EXOC4: variants seen among roughly 807,000 people sequenced by gnomAD.
EXOC4 encodes exocyst complex component 4, also known as SEC8-like 1.
Under a neutral mutation model 107.2 loss-of-function variants are expected in EXOC4, and 71 were observed. The observed-to-expected ratio is 0.66, with a 90% CI of 0.55 to 0.81. EXOC4 has a LOEUF of 0.81. EXOC4 is among the 30% of genes least tolerant of loss of function. The pLI, the probability that EXOC4 is intolerant of heterozygous loss-of-function variation, is 0.00. For missense variants in EXOC4, 1,108 were observed against 1,189.6 expected (o/e 0.93, Z 1.01); for synonymous variants, 456 against 441.2 (o/e 1.03, Z -0.42).
chr7:133,797,827 T>C (rs1796849001), intron 10 of EXOC4, among the ~76,000 whole-genome samples: 1 of 152,254 alleles, frequency 6.6e-6, no homozygotes. Flanking sequence ...CTAGGCACTT[T>C]CCTAGGTTCT....
intron 17 of EXOC4, among the ~76,000 whole-genome samples, chr7:134,020,983 C>CA (rs34211829): frequency 0.22 from 29,650 of 135,426 alleles, 3,422 homozygotes; most frequent in East Asian, 0.43. Context: ...AAGACTGTCT[C>CA]AAAAAAAAAA....
At chr7:134,004,790 C>G in intron 15 of EXOC4, 122 bp from the exon 16 acceptor site, 1 of 780,814 alleles carries the variant, frequency 1.3e-6, no homozygotes. Flanking sequence ...TGTTGGCTAT[C>G]ATGGCTAGTC....
At chr7:133,904,919 ACTAATTAGGGCAGTC>A (rs1799534118) in intron 12 of EXOC4, among the ~76,000 whole-genome samples, 2 of 152,268 alleles carry the variant, frequency 1.3e-5, no homozygotes, top group South Asian at 4.1e-4. Context: ...CCTGCTGAGG[ACTAATTAGGGCAGTC>A]CTAATTTGGA....
intron 7 of EXOC4, among the ~76,000 whole-genome samples, chr7:133,432,825 T>C (rs1327274726): frequency 6.6e-6 from 1 of 152,202 alleles, no homozygotes; most frequent in Non-Finnish European, 1.5e-5. Flanking sequence ...TAGCAGGCTA[T>C]TTCTATGCAA....
chr7:133,475,665 T>A (rs1421993171), intron 8 of EXOC4, among the ~76,000 whole-genome samples, 192 bp downstream of exon 8: 1 of 152,180 alleles, frequency 6.6e-6, no homozygotes, highest in Non-Finnish European at 1.5e-5. Flanking sequence ...GTACAGTTAC[T>A]GGACTACCTG....
At chr7:134,015,312 G>A (rs187737760) in intron 17 of EXOC4, among the ~76,000 whole-genome samples, 8 of 152,324 alleles carry the variant, frequency 5.3e-5, no homozygotes, top group Admixed American at 4.6e-4. Flanking sequence ...TGAATAGAAT[G>A]TAAGCTCCAT....
At chr7:133,815,372 CAA>C (rs531468167) in intron 10 of EXOC4, among the ~76,000 whole-genome samples, 51 of 69,578 alleles carry the variant, frequency 7.3e-4, no homozygotes, top group African/African-American at 1.1e-3. Flanking sequence ...AAGACTGCTT[CAA>C]AAAAAAAAAA....
At position 133,432,160 on chromosome 7, in the gene EXOC4, G is replaced by T. The variant is rs1584912843; in HGVS notation, c.1183-43168G>T. On this transcript the variant is annotated intron_variant, in intron 7 of 17. Coordinates refer to ENST00000253861, the MANE Select transcript of EXOC4 (RefSeq NM_021807.4). Reference sequence around the variant, plus strand: ...GAGTTGAGAATGGGAGAATATAAAAGAATTCTTTTGGTTCAGGTAAAAAAG... The same window carrying T: ...GAGTTGAGAATGGGAGAATATAAAATAATTCTTTTGGTTCAGGTAAAAAAG... 2.6e-5 allele frequency among the ~76,000 whole-genome samples: 4 copies of T among 151,868 alleles called. No homozygotes were observed. The South Asian group carries it at 6.2e-4, about 24-fold the overall frequency.
chr7:133,700,292 A>G (rs752715815), intron 10 of EXOC4, among the ~76,000 whole-genome samples: 7 of 152,174 alleles, frequency 4.6e-5, no homozygotes, highest in Non-Finnish European at 7.3e-5. Flanking sequence ...CTTCAAAATT[A>G]CTTATTTTCT....
chr7:133,798,666 A>C (rs1796866871), intron 10 of EXOC4, among the ~76,000 whole-genome samples: 1 of 152,144 alleles, frequency 6.6e-6, no homozygotes, highest in Non-Finnish European at 1.5e-5. Context: ...GAAAGCTGAA[A>C]TTCCAACCCA....
In EXOC4 at chr7:133,374,972, T is replaced by A. The variant is rs1796455553; in HGVS notation, c.1152T>A (p.Asp384Glu). The A allele has an allele frequency of 6.2e-7, 1 of 1,613,950 alleles. No homozygotes were observed. The highest frequency in any genetic ancestry group is 8.5e-7 in the Non-Finnish European group (1 of 1,179,962). The change falls in exon 7 of 18, where the codon GAT (aspartate) becomes GAA (glutamate). Residue 384 changes from aspartate (D) to glutamate (E), a missense_variant. Physicochemically the swap from Asp to Glu is conservative, Grantham distance 45. Coordinates refer to ENST00000253861, the MANE Select transcript of EXOC4 (RefSeq NM_021807.4). ...ATATCAAACTGTATGATATGGCAGA[T>A]GTATGGGTGAAGATCCAAGATGTTC... ...QEDIKLYDMA[D>E]VWVKIQDVLQ...
intron 10 of EXOC4, among the ~76,000 whole-genome samples, chr7:133,647,955 T>C (rs1803035915): frequency 6.6e-6 from 1 of 152,200 alleles, no homozygotes; most frequent in South Asian, 2.1e-4. Context: ...CACTTTGTTA[T>C]GTTGGTCCAG....
At chr7:133,988,983 C>T (rs1388652282) in intron 14 of EXOC4, among the ~76,000 whole-genome samples, 1 of 152,010 alleles carries the variant, frequency 6.6e-6, no homozygotes, top group Non-Finnish European at 1.5e-5. Context: ...ACTTATCTGA[C>T]TCATATTTAA....
At chr7:133,886,062 G>A (rs1019916535) in intron 11 of EXOC4, among the ~76,000 whole-genome samples, 7 of 152,042 alleles carry the variant, frequency 4.6e-5, no homozygotes, top group African/African-American at 9.7e-5. Context: ...ATTGGGCCTC[G>A]TTAGTATAAC....
chr7:134,043,175 G>A (rs566982554), intron 17 of EXOC4, among the ~76,000 whole-genome samples: 1 of 152,262 alleles, frequency 6.6e-6, no homozygotes, highest in East Asian at 1.9e-4. Flanking sequence ...GAGGTACAGT[G>A]GGATTGTGTG....
chr7:133,868,760 A>G (rs1033546502), intron 11 of EXOC4, among the ~76,000 whole-genome samples: 3 of 152,018 alleles, frequency 2.0e-5, no homozygotes, highest in African/African-American at 7.3e-5. Context: ...CCAAAATTAC[A>G]TTGCTTTTGT....
At chr7:133,522,511 A>G (rs555940359) in intron 9 of EXOC4, among the ~76,000 whole-genome samples, 8 of 151,772 alleles carry the variant, frequency 5.3e-5, no homozygotes, top group African/African-American at 7.2e-5. Context: ...CAAATAATAT[A>G]TTATCATATA....
chr7:133,433,873 T>G (rs1164144843), intron 7 of EXOC4, among the ~76,000 whole-genome samples: 1 of 152,218 alleles, frequency 6.6e-6, no homozygotes, highest in African/African-American at 2.4e-5. Flanking sequence ...CAAACCTGTC[T>G]GTACTTGGAA....
Position 133,620,662 on chromosome 7 carries a change from A to T in EXOC4, c.1418-9383A>T, listed in dbSNP as rs73726937. Among the ~76,000 whole-genome samples, 432 of 152,340 alleles carry T rather than the reference A, an allele frequency of 2.8e-3. 1 individual carries two copies. Among genetic ancestry groups the T allele is most frequent in the Middle Eastern group, 0.014 (4 of 294 alleles). On this transcript the variant is annotated intron_variant, in intron 9 of 17. Coordinates refer to ENST00000253861, the MANE Select transcript of EXOC4 (RefSeq NM_021807.4). The stretch of plus-strand genomic sequence containing the variant: ...AGTACTGATTCCTGCTACACCACTG[A>T]TGAACCTTGAAAACATTATGCTTAG...
Sources: allele counts gnomAD v4.1 joint callset (sites outside exome capture counted in the v4.1 genomes callset), GRCh38; gene constraint gnomAD v4.1.1; transcripts MANE v1.5; gene names NCBI Gene and HGNC (gene_info 2026-07-23, HGNC 2026-07-21).